Variants in CYTH1 observed in about 807,000 individuals in gnomAD.
CYTH1 encodes cytohesin 1, also known as cytohesin-1.
In CYTH1, 18 loss-of-function variants were observed where a neutral mutation model predicts 61.8. That is an observed-to-expected ratio of 0.29 (90% CI 0.20 to 0.43). The LOEUF is 0.43. Ranked by LOEUF, CYTH1 falls within the 20% of genes least tolerant of loss-of-function variation. The pLI is 1.00. For missense variants in CYTH1, 336 were observed against 510.5 expected (o/e 0.66, Z 3.29); for synonymous variants, 174 against 184.3 (o/e 0.94, Z 0.45).
chr17:78,709,832 C>T (rs1032105513), intron 1 of CYTH1, 100 bp from the exon 2 acceptor site: 15 of 1,031,590 alleles, frequency 1.5e-5, no homozygotes, highest in Non-Finnish European at 2.0e-5. Context: ...AAGAAAGAAA[C>T]TAGAAGTCAG....
At chr17:78,693,093 G>A (rs1371638089) in intron 10 of CYTH1, among the ~76,000 whole-genome samples, 1 of 152,118 alleles carries the variant, frequency 6.6e-6, no homozygotes, top group African/African-American at 2.4e-5. Flanking sequence ...CTAGTGTCCT[G>A]AAAACAAAAT....
chr17:78,773,085 G>C (rs906801567), intron 1 of CYTH1, among the ~76,000 whole-genome samples: 1 of 151,958 alleles, frequency 6.6e-6, no homozygotes, highest in African/African-American at 2.4e-5. Flanking sequence ...TGCCCACCTC[G>C]ACCTCCCAAA....
chr17:78,769,957 C>A (rs2093463950), intron 1 of CYTH1, among the ~76,000 whole-genome samples: 1 of 152,024 alleles, frequency 6.6e-6, no homozygotes, highest in South Asian at 2.1e-4. Context: ...AGACGCCATC[C>A]TGGCCAACAT....
chr17:78,756,979 C>CT (rs1014223113), intron 1 of CYTH1, among the ~76,000 whole-genome samples: 3 of 141,476 alleles, frequency 2.1e-5, no homozygotes, highest in East Asian at 2.6e-4. Context: ...GAATTTTTTT[C>CT]TTTTTTTTCT....
chr17:78,741,819 G>C (rs1034011683), intron 1 of CYTH1, among the ~76,000 whole-genome samples: 1 of 152,188 alleles, frequency 6.6e-6, no homozygotes, highest in Non-Finnish European at 1.5e-5. Flanking sequence ...GACAGCCTCC[G>C]GCAGACAGCA....
At chr17:78,729,601 G>T (rs991515637) in intron 1 of CYTH1, among the ~76,000 whole-genome samples, 1 of 152,140 alleles carries the variant, frequency 6.6e-6, no homozygotes, top group Non-Finnish European at 1.5e-5. Flanking sequence ...CACACCTTTT[G>T]ATTTGATTTG....
intron 1 of CYTH1, among the ~76,000 whole-genome samples, chr17:78,768,694 C>G (rs2093458644): frequency 6.6e-6 from 1 of 152,072 alleles, no homozygotes; most frequent in African/African-American, 2.4e-5. Flanking sequence ...TCACCTAGCT[C>G]ACCTATCTCC....
chr17:78,782,054 A>G, intron 1 of CYTH1, 148 bp downstream of exon 1: 1 of 602,792 alleles, frequency 1.7e-6, no homozygotes, highest in Non-Finnish European at 2.2e-6. Flanking sequence ...GGCCCCGCGC[A>G]CCGCTCGCCC....
intron 1 of CYTH1, among the ~76,000 whole-genome samples, chr17:78,734,020 T>G (rs937846579): frequency 1.3e-4 from 20 of 152,104 alleles, no homozygotes; most frequent in Non-Finnish European, 2.5e-4. Flanking sequence ...GAGGCCAAGG[T>G]GGGTGGATCA....
chr17:78,680,323 G>T lies in CYTH1; in HGVS notation c.985C>A (p.Pro329Thr). 1 of 1,613,832 alleles carries T rather than the reference G, an allele frequency of 6.2e-7. No individual in the cohort carries two copies. Among genetic ancestry groups the T allele is most frequent in the Non-Finnish European group, 8.5e-7 (1 of 1,179,858 alleles). ...TTGATAACTTGGTCTTTATTGTCGG[G>T]GATATAAAGCTCAAAGCAGTTCTGA... ...KKPNCFELYI[P>T]DNKDQVIKAC... Residue 329 changes from proline to threonine, a missense_variant, in exon 13 of 14, where the codon CCC becomes ACC. Pro to Thr is a conservative substitution (Grantham distance 38). This residue lies in a region of CYTH1 where 83 missense variants were observed against 115.6 expected (regional missense o/e 0.72). Coordinates refer to ENST00000446868, the MANE Select transcript of CYTH1 (RefSeq NM_004762.6).
At chr17:78,710,402 TC>T (rs1197892234) in intron 1 of CYTH1, among the ~76,000 whole-genome samples, 3 of 152,104 alleles carry the variant, frequency 2.0e-5, no homozygotes, top group Non-Finnish European at 4.4e-5. Context: ...GTTACTTAAT[TC>T]CCAGATCACA....
chr17:78,703,817 T>C (rs1395968325), intron 3 of CYTH1, among the ~76,000 whole-genome samples: 1 of 152,200 alleles, frequency 6.6e-6, no homozygotes, highest in Non-Finnish European at 1.5e-5. Context: ...ACCACATCTG[T>C]TTATCCATTC....
chr17:78,696,576 T>TA (rs763723799), intron 9 of CYTH1: 5 of 152,732 alleles, frequency 3.3e-5, no homozygotes, highest in Non-Finnish European at 7.3e-5. Context: ...AGAGTGATAC[T>TA]AAGTGTGCTA....
chr17:78,702,247 A>G lies in CYTH1; in HGVS notation c.238-7T>C, dbSNP rs764382194. The G allele has an allele frequency of 1.3e-6, 2 of 1,597,702 alleles. No homozygotes were observed. The highest frequency in any genetic ancestry group is 1.1e-5 in the South Asian group (1 of 90,728). On this transcript the variant is annotated splice_polypyrimidine_tract_variant and splice_region_variant and intron_variant, in intron 4 of 13. Coordinates refer to ENST00000446868, the MANE Select transcript of CYTH1 (RefSeq NM_004762.6). ...CTATTAAGAACTGGATCCCCTAGAA[A>G]AAGACAACAAAGACGCCAATGATGC...
At chr17:78,699,751 T>C (rs1323300761) in intron 7 of CYTH1, among the ~76,000 whole-genome samples, 2 of 152,206 alleles carry the variant, frequency 1.3e-5, no homozygotes, top group African/African-American at 2.4e-5. Context: ...ATCATTCTCC[T>C]ATGTCAATAA....
At chr17:78,744,672 T>C (rs1216789009) in intron 1 of CYTH1, among the ~76,000 whole-genome samples, 7 of 152,190 alleles carry the variant, frequency 4.6e-5, no homozygotes, top group East Asian at 3.8e-4. Flanking sequence ...AAAGGATATA[T>C]GTAATGTGTC....
At chr17:78,761,501 G>A (rs1041463858) in intron 1 of CYTH1, among the ~76,000 whole-genome samples, 5 of 152,204 alleles carry the variant, frequency 3.3e-5, no homozygotes, top group Non-Finnish European at 5.9e-5. Flanking sequence ...CACTTTGGGA[G>A]GCCGAGGCGG....
intron 2 of CYTH1, chr17:78,709,380 T>G (rs1057501369): frequency 4.6e-6 from 2 of 436,454 alleles, no homozygotes; most frequent in Admixed American, 8.0e-5. Context: ...AGAGGACTAC[T>G]CAGGAGACAG....
At chr17:78,739,164 T>C (rs1298225630) in intron 1 of CYTH1, among the ~76,000 whole-genome samples, 1 of 152,258 alleles carries the variant, frequency 6.6e-6, no homozygotes, top group Non-Finnish European at 1.5e-5. Context: ...ATTTGTAGAT[T>C]ACAAATCCTT....
Sources: allele counts gnomAD v4.1 joint callset (sites outside exome capture counted in the v4.1 genomes callset), GRCh38; gene constraint gnomAD v4.1.1; regional missense constraint gnomAD v4.1.1; transcripts MANE v1.5; gene names NCBI Gene and HGNC (gene_info 2026-07-23, HGNC 2026-07-21).